The following PIR variants were observed in gnomAD, a reference collection of about 807,000 sequenced individuals.
PIR encodes the protein pirin, also known as pirin (iron-binding nuclear protein).
In PIR, 22 loss-of-function variants were observed where a neutral mutation model predicts 24.2. The observed-to-expected ratio is 0.91, with a 90% CI of 0.65 to 1.30. The LOEUF (loss-of-function observed/expected upper bound fraction) is 1.30. Ranked by LOEUF, PIR falls within the 50% of genes most tolerant of loss-of-function variation. The pLI is 0.00. For missense variants in PIR, 220 were observed against 220.3 expected, an observed-to-expected ratio of 1.00 and a Z score of 0.01; for synonymous variants, 80 against 79.6, an observed-to-expected ratio of 1.00 and a Z score of -0.03.
chrX:15,459,404 T>C (rs1267189853), intron 4 of PIR, among the ~76,000 whole-genome samples: 1 of 112,089 alleles, frequency 8.9e-6, no homozygotes, highest in Admixed American at 9.4e-5. Flanking sequence ...CATTCCTGAT[T>C]ACTCTTTTGA....
At chrX:15,407,686 T>G (rs1924594291) in intron 6 of PIR, 136 bp from the exon 7 acceptor site, 2 of 502,326 alleles carry the variant, frequency 4.0e-6, no homozygotes, top group Admixed American at 5.7e-5. Flanking sequence ...TTTTAAGATT[T>G]AAGTTCTGTG....
At chrX:15,473,403 T>A (rs1237063136) in intron 3 of PIR, among the ~76,000 whole-genome samples, 1 of 112,056 alleles carries the variant, frequency 8.9e-6, no homozygotes, top group Non-Finnish European at 1.9e-5. Context: ...AAACAGTTTA[T>A]GATTGACGAA....
intron 5 of PIR, among the ~76,000 whole-genome samples, chrX:15,427,386 T>C (rs1294426471): frequency 1.8e-5 from 2 of 111,042 alleles, no homozygotes; most frequent in Non-Finnish European, 3.8e-5. Flanking sequence ...AAAGATTACA[T>C]TCATTAAATA....
intron 2 of PIR, among the ~76,000 whole-genome samples, chrX:15,483,518 C>T (rs914865947): frequency 4.5e-5 from 5 of 111,198 alleles, no homozygotes; most frequent in African/African-American, 1.6e-4. Flanking sequence ...CCTCTCCTCT[C>T]ACCTTCTGTA....
intron 3 of PIR, among the ~76,000 whole-genome samples, chrX:15,463,909 T>G (rs1219031217): frequency 8.9e-6 from 1 of 112,346 alleles, no homozygotes; most frequent in Admixed American, 9.4e-5. Context: ...ACTTCTGAGA[T>G]TTAAATCTAA....
intron 7 of PIR, among the ~76,000 whole-genome samples, chrX:15,405,800 T>C (rs1167700027): frequency 8.9e-6 from 1 of 112,396 alleles, no homozygotes; most frequent in African/African-American, 3.2e-5. Flanking sequence ...CTTTCTCCAG[T>C]GCTAAACTAA....
chrX:15,402,273 G>A (rs141833153), intron 7 of PIR, among the ~76,000 whole-genome samples: 3,424 of 111,916 alleles, frequency 0.031, 147 homozygotes, highest in African/African-American at 0.1. Flanking sequence ...TTACTGACTT[G>A]ATTGAAGCAT....
intron 3 of PIR, among the ~76,000 whole-genome samples, chrX:15,472,497 A>G (rs1921975880): frequency 8.9e-6 from 1 of 112,604 alleles, no homozygotes; most frequent in South Asian, 3.7e-4. Flanking sequence ...TTAGTCAGGC[A>G]TATAAAGAAA....
At chrX:15,429,155 T>C (rs137932921) in intron 5 of PIR, among the ~76,000 whole-genome samples, 57 of 109,586 alleles carry the variant, frequency 5.2e-4, no homozygotes, top group Middle Eastern at 4.7e-3. Context: ...TTCCTTCCTG[T>C]CTCTTGCTTC....
intron 5 of PIR, among the ~76,000 whole-genome samples, chrX:15,426,667 T>C (rs1360387659): frequency 1.8e-5 from 2 of 112,405 alleles, no homozygotes; most frequent in Admixed American, 9.5e-5. Context: ...TCATTGTTTA[T>C]CACAAAGCTC....
chrX:15,390,088 A>T, intron 9 of PIR, 97 bp downstream of exon 9: 2 of 418,162 alleles, frequency 4.8e-6, no homozygotes, highest in Middle Eastern at 1.1e-3. Flanking sequence ...GACAGGACAA[A>T]AAAAACCAGC....
At chrX:15,457,104 A>G (rs1921114932) in intron 4 of PIR, among the ~76,000 whole-genome samples, 1 of 112,035 alleles carries the variant, frequency 8.9e-6, no homozygotes, top group Non-Finnish European at 1.9e-5. Flanking sequence ...AGAAGGTTAT[A>G]TCTGTGGACA....
At chrX:15,485,417 C>T (rs1481200681) in intron 2 of PIR, among the ~76,000 whole-genome samples, 1 of 111,527 alleles carries the variant, frequency 9.0e-6, no homozygotes, top group Non-Finnish European at 1.9e-5. Context: ...TGACCTAATA[C>T]CTCCCAGAGG....
intron 8 of PIR, among the ~76,000 whole-genome samples, chrX:15,395,511 T>C (rs756575723): frequency 1.2e-4 from 13 of 112,254 alleles, no homozygotes; most frequent in Non-Finnish European, 2.4e-4. Flanking sequence ...CTATTGGACA[T>C]AATTTACTGA....
chrX:15,468,172 A>G (rs1921701023), intron 3 of PIR, among the ~76,000 whole-genome samples: 1 of 112,622 alleles, frequency 8.9e-6, no homozygotes, highest in Non-Finnish European at 1.9e-5. Context: ...CTGCTGACAC[A>G]AATTATGTGT....
intron 6 of PIR, among the ~76,000 whole-genome samples, chrX:15,418,761 G>A (rs1017765179): frequency 6.2e-5 from 7 of 112,007 alleles, no homozygotes; most frequent in African/African-American, 1.3e-4. Flanking sequence ...CATGAGAAAC[G>A]TTTTCAGTCT....
At chrX:15,433,635 AAAG>A (rs1455172947) in intron 5 of PIR, among the ~76,000 whole-genome samples, 2 of 88,461 alleles carry the variant, frequency 2.3e-5, no homozygotes, top group Non-Finnish European at 4.5e-5. Flanking sequence ...GAGAAAGGAG[AAAG>A]AAGGAGGAAG....
intron 2 of PIR, among the ~76,000 whole-genome samples, chrX:15,482,600 G>A (rs1922569070): frequency 8.9e-6 from 1 of 111,913 alleles, no homozygotes; most frequent in Non-Finnish European, 1.9e-5. Context: ...GCTCTCCTCA[G>A]ATAATCCAAA....
chrX:15,478,982 G>T (rs1178599391), intron 3 of PIR, among the ~76,000 whole-genome samples: 1 of 112,254 alleles, frequency 8.9e-6, no homozygotes, highest in Non-Finnish European at 1.9e-5. Flanking sequence ...GTTAAACATT[G>T]TAACTAGGAA....
Sources: allele counts gnomAD v4.1 joint callset (sites outside exome capture counted in the v4.1 genomes callset), GRCh38; gene constraint gnomAD v4.1.1; transcripts MANE v1.5; gene names NCBI Gene and HGNC (gene_info 2026-07-23, HGNC 2026-07-21).